Variants in ECE2 observed in about 807,000 individuals in gnomAD.
ECE2 encodes the protein endothelin converting enzyme 2, also known as endothelin-converting enzyme 2.
ECE2 carries 81 observed loss-of-function variants against 100.6 expected under a neutral mutation model. The ratio of observed to expected loss-of-function variants is 0.81; its 90% CI spans 0.67 to 0.97. ECE2 has a LOEUF of 0.97. Ranked by LOEUF, ECE2 falls within the 50% of genes least tolerant of loss-of-function variation. The pLI is 0.00. For synonymous variants in ECE2, 391 were observed against 391.5 expected (o/e 1.00, Z 0.02); for missense variants, 911 against 988.1 (o/e 0.92, Z 1.05).
Position 184,290,542 on chromosome 3 carries a change from C to T in ECE2, c.1656-15C>T, listed in dbSNP as rs772385817. ...GAGAGTCGGGAGCCTCAGCCCCTCA[C>T]TCTTCCTCCGCCAGGTGGAGCATGA... On this transcript the variant is annotated splice_polypyrimidine_tract_variant and intron_variant, in intron 14 of 18. Transcript: ENST00000404464. 2.4e-5 allele frequency: 39 copies of T among 1,611,658 alleles called. No homozygotes were observed. Among genetic ancestry groups the T allele is most frequent in the Non-Finnish European group, 3.1e-5 (36 of 1,178,254 alleles).
Position 184,285,114 on chromosome 3 carries a change from G to A in ECE2, c.1148+9G>A, listed in dbSNP as rs777952618. ...AACCGCACGGAACCAAGGTGTGGGG[G>A]TAGCCCAGGGTGAGGGTGGGTTCTG... On this transcript the variant is annotated intron_variant, in intron 9 of 18. Transcript: ENST00000404464. The A allele has an allele frequency of 2.0e-5, 33 of 1,612,490 alleles. No individual in the cohort carries two copies. In the East Asian group the frequency reaches 4.9e-4, roughly 24 times the overall value.
intron 11 of ECE2, among the ~76,000 whole-genome samples, chr3:184,288,399 G>A (rs1721165511): frequency 6.6e-6 from 1 of 151,858 alleles, no homozygotes; most frequent in Non-Finnish European, 1.5e-5. Flanking sequence ...TTGGGCAGTG[G>A]GATTATAAGA....
At chr3:184,285,235 T>G (rs1720984154) in intron 9 of ECE2, 130 bp downstream of exon 9, 1 of 1,326,284 alleles carries the variant, frequency 7.5e-7, no homozygotes, top group Non-Finnish European at 1.0e-6. Context: ...TGAATCAGAA[T>G]GTCTATGGGC....
At chr3:184,288,175 T>G (rs1721145444) in intron 11 of ECE2, among the ~76,000 whole-genome samples, 1 of 151,024 alleles carries the variant, frequency 6.6e-6, no homozygotes, top group South Asian at 2.1e-4. Flanking sequence ...CCGGGCGTGG[T>G]GGCGGGTGTC....
At chr3:184,280,843 G>A (rs993551634) in intron 7 of ECE2, among the ~76,000 whole-genome samples, 1 of 152,120 alleles carries the variant, frequency 6.6e-6, no homozygotes, top group Non-Finnish European at 1.5e-5. Context: ...GCCCGACGTG[G>A]TGGCGGGTGC....
chr3:184,278,849 C>T (rs1189975128), intron 7 of ECE2: 2 of 463,760 alleles, frequency 4.3e-6, no homozygotes, highest in Admixed American at 3.8e-5. Flanking sequence ...CCACAGGAAG[C>T]GTTCAGTGTC....
chr3:184,289,501 T>G lies in ECE2; in HGVS notation c.1439T>G (p.Met480Arg). 6.2e-7 allele frequency: 1 copy of G among 1,612,650 alleles called. No individual in the cohort carries two copies. Among genetic ancestry groups the G allele is most frequent in the African/African-American group, 1.3e-5 (1 of 74,950 alleles). ...GAGGCCCTGGGACAGCTGGTTTGGATGGATGAGAAGACCCGCCAGGCAGCC... is the reference window on the plus strand; with the variant it reads ...GAGGCCCTGGGACAGCTGGTTTGGAGGGATGAGAAGACCCGCCAGGCAGCC... ...FEEALGQLVWMDEKTRQAAKE... is the reference protein window; with the variant it reads ...FEEALGQLVWRDEKTRQAAKE... The change falls in exon 12 of 19, where the codon ATG becomes AGG. Residue 480 changes from methionine (M) to arginine (R), a missense_variant. Transcript: ENST00000404464. The surrounding 1 kb of genome is among the most constrained non-coding windows in gnomAD (Gnocchi z 4.1).
In ECE2 at chr3:184,285,401, A is replaced by G. The variant is rs1486396282; in HGVS notation, c.1149-77A>G. 5.0e-6 allele frequency: 6 copies of G among 1,189,068 alleles called. No homozygotes were observed. In the Admixed American group the frequency reaches 5.5e-5, roughly 11 times the overall value. The allele number at this position is 1,189,068 out of a possible 1,614,324, so 73.7% of individuals were successfully genotyped here. A position where few individuals can be genotyped will look rare whatever the true frequency, so the allele number is the denominator to read the frequency against. On this transcript the variant is annotated intron_variant, in intron 9 of 18. Transcript: ENST00000404464. ...GCCTCTCGGGACTCCTGCAACTTGC[A>G]TGTTCCTGGGGGCTGGTTTGAGGGG...
chr3:184,276,354 C>T (rs2108415485), intron 1 of ECE2, 127 bp from the exon 2 acceptor site: 2 of 1,410,276 alleles, frequency 1.4e-6, no homozygotes, highest in Non-Finnish European at 1.9e-6. Flanking sequence ...GAGAGCAGGG[C>T]AGGTGGGAAG....
chr3:184,282,612 C>G (rs550095507), intron 7 of ECE2, among the ~76,000 whole-genome samples: 48 of 152,308 alleles, frequency 3.2e-4, no homozygotes, highest in Admixed American at 1.0e-3. Flanking sequence ...TTCATGGAGC[C>G]TCAGGGCCAG....
chr3:184,285,375 T>C, intron 9 of ECE2, 103 bp from the exon 10 acceptor site: 1 of 983,674 alleles, frequency 1.0e-6, no homozygotes, highest in Non-Finnish European at 1.6e-6. Flanking sequence ...CTTCCACATA[T>C]GCCTCTCGGG....
intron 8 of ECE2, 83 bp from the exon 9 acceptor site, chr3:184,284,880 G>T: frequency 6.5e-7 from 1 of 1,526,918 alleles, no homozygotes; most frequent in East Asian, 2.3e-5. Context: ...AATGGGAAGG[G>T]CTCCCAGGCT....
At chr3:184,282,055 CA>C (rs1720834737) in intron 7 of ECE2, among the ~76,000 whole-genome samples, 1 of 152,180 alleles carries the variant, frequency 6.6e-6, no homozygotes, top group African/African-American at 2.4e-5. Context: ...GCCGAGATCA[CA>C]CACCTGCACT....
In ECE2 at chr3:184,276,025, GC is replaced by G. The variant is rs1720525680; in HGVS notation, c.-127del. On this transcript the variant is annotated 5_prime_UTR_variant, in exon 1 of 19. Transcript: ENST00000404464. ...TCGGGCGGGGGGGGGGGCGGCCGCG[GC>G]CGAGCGGGGGTGCTGCGCGGCGGCC... 1 of 1,055,204 alleles carries G rather than the reference GC, an allele frequency of 9.5e-7. No homozygotes were observed. Among genetic ancestry groups the G allele is most frequent in the Non-Finnish European group, 1.1e-6 (1 of 871,774 alleles). The allele number at this position is 1,055,204 out of a possible 1,614,324, so 65.4% of individuals were successfully genotyped here.
intron 8 of ECE2, 71 bp downstream of exon 8, chr3:184,284,044 A>C: frequency 6.4e-7 from 1 of 1,561,404 alleles, no homozygotes; most frequent in East Asian, 2.3e-5. Flanking sequence ...GCTTCCCTCC[A>C]TGCCATCTCC....
In ECE2 at chr3:184,292,290, C is replaced by T. The variant is rs1721368030; in HGVS notation, c.*52C>T. On this transcript the variant is annotated 3_prime_UTR_variant, in exon 19 of 19. Transcript: ENST00000404464. Reference sequence around the variant, plus strand: ...CTGTCACCAGACCTGGGGCAGCTCTCCTGACAAAGCTGTTTGCTCTTGGGT... The same window carrying T: ...CTGTCACCAGACCTGGGGCAGCTCTTCTGACAAAGCTGTTTGCTCTTGGGT... 6.2e-7 allele frequency: 1 copy of T among 1,601,818 alleles called. No homozygotes were observed. The highest frequency in any genetic ancestry group is 1.3e-5 in the African/African-American group (1 of 74,764).
In ECE2 at chr3:184,278,430, G is replaced by C. The variant is rs573399159; in HGVS notation, c.751-62G>C. 9.4e-6 allele frequency: 15 copies of C among 1,597,350 alleles called. No individual in the cohort carries two copies. The African/African-American group carries it at 1.1e-4, about 11-fold the overall frequency. ...CCCGGCCCCACCCCTACCCCCGCTC[G>C]GGAATTCAGGTTCCCATGGTGGGGA... On this transcript the variant is annotated intron_variant, in intron 6 of 18. Transcript: ENST00000404464.
intron 7 of ECE2, among the ~76,000 whole-genome samples, chr3:184,282,551 T>A (rs1577138632): frequency 6.6e-6 from 1 of 152,320 alleles, no homozygotes; most frequent in East Asian, 1.9e-4. Flanking sequence ...GGCAGACAGC[T>A]GCGCTTGGGT....
chr3:184,278,301 C>G lies in ECE2; in HGVS notation c.738C>G (p.Ser246Arg), dbSNP rs1283980637. ...GTGCCGACTCTAAGAGTTCCAACAG[C>G]AATGTTATCCAGGTGATGAGCTGGG... ...YISADSKSSN[S>R]NVIQVDQSGL... Residue 246 changes from serine (S) to arginine (R), a missense_variant, in exon 6 of 19, where the codon AGC (serine) becomes AGG (arginine). Transcript: ENST00000404464. The G allele has an allele frequency of 6.2e-7, 1 of 1,613,928 alleles. No individual in the cohort carries two copies.
Sources: gnomAD v4.1 joint callset for allele counts (sites outside exome capture counted in the v4.1 genomes callset) on GRCh38, gnomAD v4.1.1 for gene constraint, Gnocchi (gnomAD v3.1) non-coding constraint, MANE v1.5 for transcripts, NCBI Gene and HGNC (gene_info 2026-07-23, HGNC 2026-07-21) for gene names.